Variants in DRD3 observed in about 807,000 individuals in gnomAD.
DRD3 encodes D(3) dopamine receptor.
DRD3 carries 19 observed loss-of-function variants against 36.3 expected under a neutral mutation model. The observed-to-expected ratio is 0.52, with a 90% confidence interval of 0.36 to 0.77. DRD3 has a LOEUF of 0.77. DRD3 is among the 30% of genes least tolerant of loss of function. The pLI, the probability that DRD3 is intolerant of heterozygous loss-of-function variation, is 0.00. For synonymous variants in DRD3, 195 were observed against 203.7 expected, an observed-to-expected ratio of 0.96 and a Z score of 0.36; for missense variants, 465 against 505.3, an observed-to-expected ratio of 0.92 and a Z score of 0.77.
intron 2 of DRD3, among the ~76,000 whole-genome samples, chr3:114,160,162 A>G (rs2077719388): frequency 6.6e-6 from 1 of 152,226 alleles, no homozygotes; most frequent in Non-Finnish European, 1.5e-5. Flanking sequence ...TTTATTAAAG[A>G]TGTAGATTTC....
chr3:114,157,305 C>T (rs1481570217), intron 3 of DRD3, among the ~76,000 whole-genome samples: 10 of 152,206 alleles, frequency 6.6e-5, no homozygotes, highest in East Asian at 3.9e-4. Context: ...CCTCTTGCCT[C>T]GGCCTCCCAA....
Position 114,139,499 on chromosome 3 carries a change from C to T in DRD3, c.723+1G>A. 3 of 1,612,696 alleles carry T rather than the reference C, an allele frequency of 1.9e-6. No homozygotes were observed. Among genetic ancestry groups the T allele is most frequent in the Non-Finnish European group, 2.5e-6 (3 of 1,179,488 alleles). ...CCCTCTACCCCCTCCAGGGTACTTA[C>T]TTGCTGGGGGAAGCCAGGCCTGACA... On this transcript the variant is annotated splice_donor_variant, in intron 5 of 6. Coordinates refer to ENST00000383673, the MANE Select transcript of DRD3 (RefSeq NM_000796.6). LOFTEE classifies it high-confidence loss of function.
upstream of DRD3, among the ~76,000 whole-genome samples, chr3:114,180,669 G>C (rs533690318): frequency 6.6e-6 from 1 of 152,288 alleles, no homozygotes; most frequent in East Asian, 1.9e-4. Flanking sequence ...CTAATACAGA[G>C]GGTTAGAGAG....
At chr3:114,148,993 G>A (rs914767389) in intron 3 of DRD3, among the ~76,000 whole-genome samples, 1 of 152,176 alleles carries the variant, frequency 6.6e-6, no homozygotes, top group African/African-American at 2.4e-5. Context: ...GATTATAGGT[G>A]TGAGGCACTG....
rs148601682 is a variant in DRD3 at position 114,168,852 on chromosome 3, G to C, written c.270+2871C>G. On this transcript the variant is annotated intron_variant, in intron 2 of 6. Coordinates refer to ENST00000383673, the MANE Select transcript of DRD3 (RefSeq NM_000796.6). ...AAACATTCCTACCTCATAAATACTG[G>C]TGTCTGGCAAAATGAGCCAATTTTC... Among the ~76,000 whole-genome samples, 48 of 152,322 alleles carry C rather than the reference G, an allele frequency of 3.2e-4. 1 individual carries two copies. The highest frequency in any genetic ancestry group is 1.2e-3 in the Admixed American group (18 of 15,306).
At chr3:114,192,197 A>G (rs1298242641) in intron 1 of DRD3, among the ~76,000 whole-genome samples, 3 of 152,166 alleles carry the variant, frequency 2.0e-5, no homozygotes, top group Non-Finnish European at 4.4e-5. Context: ...TGAGGACAAA[A>G]ATTAGGGAAG....
At position 114,131,243 on chromosome 3, in the gene DRD3, A is replaced by T; in HGVS notation, c.881T>A (p.Leu294His). 1 of 1,614,188 alleles carries T rather than the reference A, an allele frequency of 6.2e-7. No individual in the cohort carries two copies. Among genetic ancestry groups the T allele is most frequent in the African/African-American group, 1.3e-5 (1 of 75,048 alleles). The change falls in exon 6 of 7, where the codon CTC (leucine) becomes CAC (histidine). Residue 294 changes from leucine to histidine, a missense_variant. Coordinates refer to ENST00000383673, the MANE Select transcript of DRD3 (RefSeq NM_000796.6). ...GCTGAGTTTTCGAACTTCTAAGCTG[A>T]GCTTGGGCGCTATGGTGGGACTCAG... ...NSLSPTIAPK[L>H]SLEVRKLSNG...
In DRD3 at chr3:114,179,041, T is replaced by G. The variant is rs199526290; in HGVS notation, c.-420A>C. The G allele has an allele frequency of 3.9e-5, 6 of 152,350 alleles. No homozygotes were observed. The South Asian group carries it at 1.2e-3, about 32-fold the overall frequency. The allele number at this position is 152,350 out of a possible 1,614,324, so 9.4% of individuals were successfully genotyped here. A position where few individuals can be genotyped will look rare whatever the true frequency, so the allele number is the denominator to read the frequency against. On this transcript the variant is annotated 5_prime_UTR_variant, in exon 1 of 7. Transcript: ENST00000383673. ...TTCTACCTCGCTCTCTTTTCCTCTTTGTCTCTCTATCTGCTCGGATACTGT... is the reference window on the plus strand; with the variant it reads ...TTCTACCTCGCTCTCTTTTCCTCTTGGTCTCTCTATCTGCTCGGATACTGT...
At chr3:114,193,813 ATT>A (rs1273753858) in intron 1 of DRD3, among the ~76,000 whole-genome samples, 1 of 152,228 alleles carries the variant, frequency 6.6e-6, no homozygotes, top group Non-Finnish European at 1.5e-5. Flanking sequence ...CTTAATTTTT[ATT>A]TATTAAAGTT....
At chr3:114,172,417 C>T (rs2077855473) in intron 1 of DRD3, among the ~76,000 whole-genome samples, 1 of 152,168 alleles carries the variant, frequency 6.6e-6, no homozygotes, top group Non-Finnish European at 1.5e-5. Context: ...TGGAGGAGAT[C>T]AGGAAGCAGA....
chr3:114,155,541 CA>C (rs1302969126), intron 3 of DRD3, among the ~76,000 whole-genome samples: 1 of 150,156 alleles, frequency 6.7e-6, no homozygotes, highest in Non-Finnish European at 1.5e-5. Context: ...CTGCTGGCCG[CA>C]AAATGGTGCT....
At chr3:114,161,113 G>T (rs1045299750) in intron 2 of DRD3, among the ~76,000 whole-genome samples, 4 of 152,032 alleles carry the variant, frequency 2.6e-5, no homozygotes, top group East Asian at 3.9e-4. Flanking sequence ...CTTCTTTCCT[G>T]GGGGGGTGGG....
At chr3:114,159,683 C>A in intron 3 of DRD3, 72 bp downstream of exon 3, 1 of 1,278,296 alleles carries the variant, frequency 7.8e-7, no homozygotes, top group Non-Finnish European at 1.1e-6. Context: ...CCCCAGTACC[C>A]TCAAGTGCAC....
Position 114,128,823 on chromosome 3 carries a change from T to C in DRD3, c.1096A>G (p.Ser366Gly). Residue 366 changes from serine to glycine, a missense_variant, in exon 7 of 7, where the codon AGT becomes GGT. By Grantham distance (56) the Ser-to-Gly change is moderately conservative (BLOSUM62 0). Coordinates refer to ENST00000383673, the MANE Select transcript of DRD3 (RefSeq NM_000796.6). ...QTCHVSPELY[S>G]ATTWLGYVNS... ...ACGTAGCCCAGCCATGTCGTGGCAC[T>C]GTAAAGCTCTGGGGACACGTGGCAT... is the stretch of plus-strand genomic sequence containing the variant. The C allele has an allele frequency of 6.2e-7, 1 of 1,614,046 alleles. No individual in the cohort carries two copies. The highest frequency in any genetic ancestry group is 8.5e-7 in the Non-Finnish European group (1 of 1,179,986).
intron 6 of DRD3, among the ~76,000 whole-genome samples, chr3:114,129,113 C>G (rs899278830): frequency 6.6e-6 from 1 of 151,990 alleles, no homozygotes; most frequent in Admixed American, 6.6e-5. Context: ...GAGGCCGAGG[C>G]GGGTGGATCA....
At chr3:114,164,487 A>T (rs914596991) in intron 2 of DRD3, among the ~76,000 whole-genome samples, 1 of 151,980 alleles carries the variant, frequency 6.6e-6, no homozygotes, top group Non-Finnish European at 1.5e-5. Context: ...GCATTCCCCA[A>T]ATTTACTGAT....
upstream of DRD3, among the ~76,000 whole-genome samples, chr3:114,180,594 A>C (rs2077941700): frequency 6.6e-6 from 1 of 152,192 alleles, no homozygotes. Context: ...AAAACTGTGC[A>C]AAAATAAATT....
At chr3:114,159,031 G>A (rs1351866529) in intron 3 of DRD3, among the ~76,000 whole-genome samples, 1 of 152,130 alleles carries the variant, frequency 6.6e-6, no homozygotes, top group Non-Finnish European at 1.5e-5. Flanking sequence ...AAGAGAGGAA[G>A]ACAAAAGGAG....
intron 1 of DRD3, among the ~76,000 whole-genome samples, chr3:114,175,384 C>T (rs1204154820): frequency 1.3e-5 from 2 of 152,086 alleles, no homozygotes; most frequent in Non-Finnish European, 2.9e-5. Context: ...CATGCTTAAA[C>T]ATTCATGAAG....
Sources: gnomAD v4.1 joint callset for allele counts (sites outside exome capture counted in the v4.1 genomes callset) on GRCh38, gnomAD v4.1.1 for gene constraint, MANE v1.5 for transcripts, NCBI Gene and HGNC (gene_info 2026-07-23, HGNC 2026-07-21) for gene names.